Variants in ITGB5 observed in about 807,000 individuals in gnomAD.
ITGB5 encodes the protein integrin subunit beta 5.
A neutral mutation model predicts 84.8 loss-of-function variants in ITGB5; 38 were observed. That is an observed-to-expected ratio of 0.45 (90% CI 0.35 to 0.59). The LOEUF (loss-of-function observed/expected upper bound fraction) is 0.59. Ranked by LOEUF, ITGB5 falls within the 20% of genes least tolerant of loss-of-function variation. ITGB5 has a pLI of 0.01. For missense variants in ITGB5, 905 were observed against 1,034.5 expected (o/e 0.87, Z 1.72); for synonymous variants, 393 against 414.4 (o/e 0.95, Z 0.63).
At chr3:124,887,428 C>T (rs1440092155), upstream of ITGB5, 1 of 160,928 alleles carries the variant, frequency 6.2e-6, no homozygotes, top group Non-Finnish European at 1.4e-5. Context: ...TTCCTCCTCT[C>T]CTTTCTCCTC....
intron 2 of ITGB5, among the ~76,000 whole-genome samples, chr3:124,873,242 C>G (rs1286610301): frequency 6.6e-6 from 1 of 152,162 alleles, no homozygotes; most frequent in Non-Finnish European, 1.5e-5. Flanking sequence ...ATTAGCATTC[C>G]ACAGTATCAA....
chr3:124,772,906 A>ATTTAC (rs2063867544), intron 11 of ITGB5, among the ~76,000 whole-genome samples: 1 of 135,364 alleles, frequency 7.4e-6, no homozygotes, highest in Non-Finnish European at 1.6e-5. Context: ...TTTCTCTCCA[A>ATTTAC]TTTACTTTTT....
upstream of ITGB5, among the ~76,000 whole-genome samples, chr3:124,891,894 G>T (rs1935008283): frequency 6.6e-6 from 1 of 151,826 alleles, no homozygotes; most frequent in African/African-American, 2.4e-5. Context: ...ACTCCAGCTT[G>T]GGGGACAGTG....
Position 124,763,628 on chromosome 3 carries a change from C to A in ITGB5, c.2395G>T (p.Asp799Tyr), listed in dbSNP as rs771785263. The A allele has an allele frequency of 1.3e-5, 21 of 1,587,366 alleles. No individual in the cohort carries two copies. In the South Asian group the frequency reaches 2.3e-4, roughly 18 times the overall value. ...KFNKSYNGTVD is the reference protein window; with the variant it reads ...KFNKSYNGTVY ...GCCCCTCGGAGAAGGAAACATCAGT[C>A]CACAGTGCCATTGTAGGATTTGTTG... Residue 799 changes from aspartate (D) to tyrosine (Y), a missense_variant, in exon 15 of 15, where the codon GAC becomes TAC. Asp to Tyr is a radical substitution (Grantham distance 160). Around this residue, in one of 3 missense-constraint regions of ITGB5, gnomAD observed 133 missense variants for 122.8 expected, o/e 1.08. Coordinates refer to ENST00000296181, the MANE Select transcript of ITGB5 (RefSeq NM_002213.5).
At position 124,762,994 on chromosome 3, in the gene ITGB5, C is replaced by A. The variant is rs2063714963; in HGVS notation, c.*629G>T. The A allele has an allele frequency of 6.6e-6, 1 of 152,238 alleles. No individual in the cohort carries two copies. The highest frequency in any genetic ancestry group is 6.5e-5 in the Admixed American group (1 of 15,284). The allele number at this position is 152,238 out of a possible 1,614,324, so 9.4% of individuals were successfully genotyped here. A position where few individuals can be genotyped will look rare whatever the true frequency, so the allele number is the denominator to read the frequency against. On this transcript the variant is annotated 3_prime_UTR_variant, in exon 15 of 15. Transcript: ENST00000296181. Reference sequence around the variant, plus strand: ...TTTGGTTTTAATCTTTACTTCCAATCCCAAACAATCTTGTTTCTTTTCATT... The same window carrying A: ...TTTGGTTTTAATCTTTACTTCCAATACCAAACAATCTTGTTTCTTTTCATT...
chr3:124,773,585 G>A lies in ITGB5; in HGVS notation c.1916+105C>T, dbSNP rs1341995142. 4.2e-6 allele frequency: 4 copies of A among 951,822 alleles called. No homozygotes were observed. The Admixed American group carries it at 6.4e-5, about 15-fold the overall frequency. The allele number at this position is 951,822 out of a possible 1,614,324, so 59.0% of individuals were successfully genotyped here. A position where few individuals can be genotyped will look rare whatever the true frequency, so the allele number is the denominator to read the frequency against. ...CAGCGAGGCTTGCTGGGTGGGAGATGCAGGAGGTGAGGAGTGGAGGCTAGC... is the reference window on the plus strand; with the variant it reads ...CAGCGAGGCTTGCTGGGTGGGAGATACAGGAGGTGAGGAGTGGAGGCTAGC... On this transcript the variant is annotated intron_variant, in intron 11 of 14. Transcript: ENST00000296181.
At chr3:124,763,833 A>G in intron 14 of ITGB5, 115 bp from the exon 15 acceptor site, 1 of 638,172 alleles carries the variant, frequency 1.6e-6, no homozygotes, top group South Asian at 1.8e-5. Flanking sequence ...AGCAGCAGGC[A>G]GAGCACTCAG....
intron 9 of ITGB5, among the ~76,000 whole-genome samples, chr3:124,803,037 C>T (rs1275967787): frequency 6.6e-6 from 1 of 152,204 alleles, no homozygotes; most frequent in Non-Finnish European, 1.5e-5. Flanking sequence ...AAGGTGCCGG[C>T]CTGAGCAGAA....
intron 8 of ITGB5, among the ~76,000 whole-genome samples, chr3:124,813,054 G>A (rs887706224): frequency 1.1e-4 from 16 of 152,138 alleles, no homozygotes; most frequent in African/African-American, 3.9e-4. Context: ...GACTCTGGCC[G>A]GATGCGGAGC....
chr3:124,872,719 C>G (rs1205876612), intron 2 of ITGB5, among the ~76,000 whole-genome samples: 1 of 152,160 alleles, frequency 6.6e-6, no homozygotes, highest in East Asian at 1.9e-4. Context: ...GATTAGTCCA[C>G]CAAGTTACAT....
intron 4 of ITGB5, among the ~76,000 whole-genome samples, chr3:124,844,822 T>C (rs942375453): frequency 6.6e-6 from 1 of 152,210 alleles, no homozygotes; most frequent in Non-Finnish European, 1.5e-5. Flanking sequence ...CCATCTACCA[T>C]GAATGAGATG....
At chr3:124,880,987 T>G (rs567688713) in intron 1 of ITGB5, among the ~76,000 whole-genome samples, 118 of 151,136 alleles carry the variant, frequency 7.8e-4, no homozygotes, top group Non-Finnish European at 1.4e-3. Flanking sequence ...TAAAAGTTTG[T>G]TTGTTTGTTT....
At chr3:124,870,555 C>A (rs1055045271) in intron 2 of ITGB5, among the ~76,000 whole-genome samples, 1 of 152,030 alleles carries the variant, frequency 6.6e-6, no homozygotes, top group Admixed American at 6.6e-5. Context: ...GGTGAAACCC[C>A]GTCTCTACTA....
chr3:124,834,620 GGGGA>G (rs1163029069), intron 5 of ITGB5, among the ~76,000 whole-genome samples: 28 of 123,970 alleles, frequency 2.3e-4, no homozygotes, highest in African/African-American at 5.9e-4. Flanking sequence ...AGGGAAGGAT[GGGGA>G]GGGAGGGAGG....
In ITGB5 at chr3:124,776,023, C is replaced by T. The variant is rs673562; in HGVS notation, c.1694-2111G>A. On this transcript the variant is annotated intron_variant, in intron 10 of 14. Transcript: ENST00000296181. ...AGGTGCCCTCCCATGTCACAGGCAG[C>T]GCTGAAGCAGATGGCAAGCCCTCCA... Among the ~76,000 whole-genome samples, 1,359 of 152,356 alleles carry T rather than the reference C, an allele frequency of 8.9e-3. 19 individuals are homozygous for T. Among genetic ancestry groups the T allele is most frequent in the African/African-American group, 0.031 (1,276 of 41,590 alleles).
At chr3:124,823,475 C>T (rs1379035642) in intron 5 of ITGB5, among the ~76,000 whole-genome samples, 1 of 151,624 alleles carries the variant, frequency 6.6e-6, no homozygotes, top group Non-Finnish European at 1.5e-5. Context: ...CAATGAAATG[C>T]TAAGCCATAA....
chr3:124,837,911 T>C (rs895859459), intron 5 of ITGB5, among the ~76,000 whole-genome samples: 1 of 152,232 alleles, frequency 6.6e-6, no homozygotes, highest in African/African-American at 2.4e-5. Flanking sequence ...CCAGCCCCTA[T>C]GACGCACAGA....
At chr3:124,785,309 C>T (rs932637386) in intron 10 of ITGB5, among the ~76,000 whole-genome samples, 1 of 151,430 alleles carries the variant, frequency 6.6e-6, no homozygotes, top group East Asian at 2.0e-4. Flanking sequence ...TGTGTCCGGG[C>T]GCGGTGGCTC....
chr3:124,847,245 G>T lies in ITGB5; in HGVS notation c.611+1064C>A, dbSNP rs141991952. ...CCTCACTAAAGTTAAATGTGGAGAT[G>T]AGGAAAGCAAGAGTTGGAAGTTACC... On this transcript the variant is annotated intron_variant, in intron 4 of 14. Transcript: ENST00000296181. Among the ~76,000 whole-genome samples, 339 of 152,318 alleles carry T rather than the reference G, an allele frequency of 2.2e-3. 1 individual carries two copies. The highest frequency in any genetic ancestry group is 3.2e-3 in the Non-Finnish European group (217 of 68,028).
Sources: allele counts gnomAD v4.1 joint callset (sites outside exome capture counted in the v4.1 genomes callset), GRCh38; gene constraint gnomAD v4.1.1; regional missense constraint gnomAD v4.1.1; transcripts MANE v1.5; gene names NCBI Gene and HGNC (gene_info 2026-07-23, HGNC 2026-07-21).